DNAJC1: variants seen among roughly 807,000 people sequenced by gnomAD.
The protein encoded by DNAJC1 is dnaJ homolog subfamily C member 1.
In DNAJC1, 58 loss-of-function variants were observed where a neutral mutation model predicts 76.6. The observed-to-expected ratio is 0.76, with a 90% CI of 0.61 to 0.94. The LOEUF is 0.94. Ranked by LOEUF, DNAJC1 falls within the 40% of genes least tolerant of loss-of-function variation. The pLI is 0.00. For missense variants in DNAJC1, 689 were observed against 677.3 expected, an observed-to-expected ratio of 1.02 and a Z score of -0.19; for synonymous variants, 258 against 267.9, an observed-to-expected ratio of 0.96 and a Z score of 0.36.
intron 8 of DNAJC1, among the ~76,000 whole-genome samples, chr10:21,818,485 T>C (rs1366000209): frequency 6.6e-6 from 1 of 152,222 alleles, no homozygotes; most frequent in African/African-American, 2.4e-5. Context: ...TCTATTACCT[T>C]GTGAAGCACA....
At chr10:21,848,096 T>C (rs1210809579) in intron 8 of DNAJC1, among the ~76,000 whole-genome samples, 2 of 152,212 alleles carry the variant, frequency 1.3e-5, no homozygotes, top group African/African-American at 4.8e-5. Context: ...AGTGTTTCCC[T>C]TTCTCTACAT....
Position 22,003,630 on chromosome 10 carries a change from G to A in DNAJC1, c.-196C>T, listed in dbSNP as rs928476671. ...AGCCGGCTGCCGGACGGGCGGGTGG[G>A]TAGGCGGGCGGGGCCGCAGCCAGCG... On this transcript the variant is annotated 5_prime_UTR_variant, in exon 1 of 12. Coordinates refer to ENST00000376980, the MANE Select transcript of DNAJC1 (RefSeq NM_022365.4). 3.6e-5 allele frequency: 19 copies of A among 528,710 alleles called. No homozygotes were observed. Among genetic ancestry groups the A allele is most frequent in the South Asian group, 1.4e-4 (2 of 14,696 alleles). 32.8% of individuals were successfully genotyped at this position (528,710 alleles called of 1,614,324 possible).
At chr10:21,953,115 A>G (rs1053079770) in intron 1 of DNAJC1, among the ~76,000 whole-genome samples, 19 of 152,142 alleles carry the variant, frequency 1.2e-4, no homozygotes, top group African/African-American at 3.4e-4. Flanking sequence ...AATATTTACT[A>G]AAGAACATAT....
intron 8 of DNAJC1, among the ~76,000 whole-genome samples, chr10:21,821,930 A>G (rs1835165763): frequency 6.6e-6 from 1 of 152,036 alleles, no homozygotes; most frequent in African/African-American, 2.4e-5. Flanking sequence ...GGTATAGTGG[A>G]ACTTAGAAAC....
intron 6 of DNAJC1, among the ~76,000 whole-genome samples, chr10:21,912,785 TTCTG>T (rs1836889004): frequency 6.6e-6 from 1 of 151,718 alleles, no homozygotes; most frequent in Admixed American, 6.6e-5. Flanking sequence ...GCTGTGAATG[TTCTG>T]TTTGTTTGGT....
At chr10:21,849,471 A>T (rs2457954) in intron 8 of DNAJC1, among the ~76,000 whole-genome samples, 99,139 of 151,522 alleles carry the variant, frequency 0.65, 32,877 homozygotes, top group East Asian at 0.96. Context: ...AGAATCAATG[A>T]AACAAAATGT....
At chr10:21,756,870 C>A in intron 11 of DNAJC1, 115 bp from the exon 12 acceptor site, 1 of 921,824 alleles carries the variant, frequency 1.1e-6, no homozygotes, top group Non-Finnish European at 1.7e-6. Flanking sequence ...AGTCCCTCTG[C>A]CCAGAGTTCC....
chr10:21,904,630 T>C lies in DNAJC1; in HGVS notation c.730-18A>G. ...CCAGCATCCTTAAGAAAAAAAGTTA[T>C]ACATAAATTAACATAAAAATCAGTG... is the stretch of plus-strand genomic sequence containing the variant. On this transcript the variant is annotated intron_variant, in intron 6 of 11. Coordinates refer to ENST00000376980, the MANE Select transcript of DNAJC1 (RefSeq NM_022365.4). 6.8e-7 allele frequency: 1 copy of C among 1,475,618 alleles called. No homozygotes were observed. The highest frequency in any genetic ancestry group is 9.4e-7 in the Non-Finnish European group (1 of 1,069,098). 91.4% of individuals were successfully genotyped at this position (1,475,618 alleles called of 1,614,324 possible). A position where few individuals can be genotyped will look rare whatever the true frequency, so the allele number is the denominator to read the frequency against.
chr10:21,824,482 G>A (rs764594814), intron 8 of DNAJC1, among the ~76,000 whole-genome samples: 3 of 152,290 alleles, frequency 2.0e-5, no homozygotes, highest in East Asian at 1.9e-4. Flanking sequence ...TTGAGTACAC[G>A]AAGTAAGGCT....
At chr10:21,816,602 G>GTC (rs1167874396) in intron 8 of DNAJC1, among the ~76,000 whole-genome samples, 2 of 148,338 alleles carry the variant, frequency 1.3e-5, no homozygotes, top group Non-Finnish European at 3.0e-5. Flanking sequence ...CTGGAGTGCA[G>GTC]TGGTGCGATC....
intron 1 of DNAJC1, among the ~76,000 whole-genome samples, chr10:21,972,821 C>T (rs1838001416): frequency 1.3e-5 from 2 of 151,884 alleles, no homozygotes; most frequent in African/African-American, 4.8e-5. Flanking sequence ...CTGTTCTACA[C>T]CAAGAAACTG....
intron 8 of DNAJC1, among the ~76,000 whole-genome samples, chr10:21,820,677 C>A (rs1426997694): frequency 6.6e-6 from 1 of 152,204 alleles, no homozygotes; most frequent in Non-Finnish European, 1.5e-5. Context: ...CCCAGACCCT[C>A]CAACCCGATG....
Position 22,003,612 on chromosome 10 carries a change from T to G in DNAJC1, c.-178A>C. The G allele has an allele frequency of 1.5e-6, 1 of 680,468 alleles. No homozygotes were observed. The highest frequency in any genetic ancestry group is 2.1e-6 in the Non-Finnish European group (1 of 485,098). 42.2% of individuals were successfully genotyped at this position (680,468 alleles called of 1,614,324 possible). On this transcript the variant is annotated 5_prime_UTR_variant, in exon 1 of 12. Transcript: ENST00000376980. ...GAGCGCGGAGGCGGCGGGAGCCGGC[T>G]GCCGGACGGGCGGGTGGGTAGGCGG... is the stretch of plus-strand genomic sequence containing the variant.
chr10:21,956,280 G>A (rs903152789), intron 1 of DNAJC1, among the ~76,000 whole-genome samples: 9 of 152,162 alleles, frequency 5.9e-5, no homozygotes, highest in Admixed American at 1.3e-4. Context: ...ACACTTTCAT[G>A]AGGGTAGAGC....
chr10:21,954,022 A>AT (rs1323704393), intron 1 of DNAJC1, among the ~76,000 whole-genome samples: 4 of 151,774 alleles, frequency 2.6e-5, no homozygotes, highest in African/African-American at 7.3e-5. Flanking sequence ...TCAATCTAAA[A>AT]TTTTTTCTGG....
chr10:21,937,232 C>T (rs1837323974), intron 1 of DNAJC1, among the ~76,000 whole-genome samples: 1 of 152,014 alleles, frequency 6.6e-6, no homozygotes, highest in African/African-American at 2.4e-5. Flanking sequence ...AAGAGACTCA[C>T]TTTAGAACCA....
intron 8 of DNAJC1, among the ~76,000 whole-genome samples, chr10:21,833,971 A>C (rs1161308239): frequency 6.6e-6 from 1 of 152,178 alleles, no homozygotes; most frequent in Non-Finnish European, 1.5e-5. Context: ...TTTATGAAAG[A>C]GGGGTTCCCC....
intron 1 of DNAJC1, among the ~76,000 whole-genome samples, chr10:21,958,822 T>A (rs1366366888): frequency 6.6e-6 from 1 of 152,064 alleles, no homozygotes; most frequent in Non-Finnish European, 1.5e-5. Context: ...AAATCACTAT[T>A]TTTTTTGCAG....
At chr10:21,849,292 CAAAAAAAAAAA>C (rs33953332) in intron 8 of DNAJC1, among the ~76,000 whole-genome samples, 2 of 35,872 alleles carry the variant, frequency 5.6e-5, no homozygotes, top group Admixed American at 5.0e-4. Context: ...GACTCCGCCT[CAAAAAAAAAAA>C]AAAAAAAAAA....
Sources: allele counts gnomAD v4.1 joint callset (sites outside exome capture counted in the v4.1 genomes callset), GRCh38; gene constraint gnomAD v4.1.1; transcripts MANE v1.5; gene names NCBI Gene and HGNC (gene_info 2026-07-23, HGNC 2026-07-21).